The following SZRD1 variants were observed in gnomAD, a reference collection of about 807,000 sequenced individuals.
The protein encoded by SZRD1 is SUZ RNA-binding domain-containing.
SZRD1 carries 7 observed loss-of-function variants against 17.6 expected under a neutral mutation model. The observed-to-expected ratio is 0.40, with a 90% CI of 0.23 to 0.75. The LOEUF (loss-of-function observed/expected upper bound fraction) is 0.75. Ranked by LOEUF, SZRD1 falls within the 30% of genes least tolerant of loss-of-function variation. The pLI is 0.38. For missense variants in SZRD1, 178 were observed against 201.8 expected, an observed-to-expected ratio of 0.88 and a Z score of 0.71; for synonymous variants, 77 against 77.9, an observed-to-expected ratio of 0.99 and a Z score of 0.06.
intron 1 of SZRD1, among the ~76,000 whole-genome samples, chr1:16,373,775 G>T (rs909122757): frequency 5.9e-5 from 9 of 151,508 alleles, no homozygotes; most frequent in Admixed American, 5.3e-4. Flanking sequence ...GACTATTTTT[G>T]ATTTTTTTGT....
chr1:16,367,268 A>T lies in SZRD1; in HGVS notation c.11A>T (p.Glu4Val). The change falls in exon 1 of 4, where the codon GAG becomes GTG. Residue 4 changes from glutamate to valine, a missense_variant. Transcript: ENST00000401088. ...AAAGCGGCGAGTAAGATGGAAGATG[A>T]GGAGGTCGCTGAGAGCTGGGAAGAG... MED[E>V]EVAESWEEAA... 4 of 1,548,616 alleles carry T rather than the reference A, an allele frequency of 2.6e-6. No homozygotes were observed. The highest frequency in any genetic ancestry group is 3.5e-6 in the Non-Finnish European group (4 of 1,146,492).
chr1:16,380,115 C>T (rs555519703), intron 1 of SZRD1, among the ~76,000 whole-genome samples: 1 of 152,204 alleles, frequency 6.6e-6, no homozygotes, highest in African/African-American at 2.4e-5. Context: ...ATATACCACT[C>T]AGTAAAGAAA....
rs59746262 is a variant in SZRD1 at position 16,376,805 on chromosome 1, C to CAAA, written c.51+9514_51+9516dup. ...TGGGCGACACAGCGAGACTCTGTCT[C>CAAA]AAAAAAAAAAAAAAAAAAACGTTGC... On this transcript the variant is annotated intron_variant, in intron 1 of 3. Coordinates refer to ENST00000401088, the MANE Select transcript of SZRD1 (RefSeq NM_001114600.3). Among the ~76,000 whole-genome samples the CAAA allele has an allele frequency of 3.2e-3, 245 of 75,442 alleles. 7 individuals carry two copies. The highest frequency in any genetic ancestry group is 9.2e-3 in the East Asian group (27 of 2,930). 49.5% of individuals were successfully genotyped at this position (75,442 alleles called of 152,430 possible). A position where few individuals can be genotyped will look rare whatever the true frequency, so the allele number is the denominator to read the frequency against.
intron 1 of SZRD1, among the ~76,000 whole-genome samples, chr1:16,389,686 C>G (rs1477029502): frequency 6.6e-6 from 1 of 152,208 alleles, no homozygotes; most frequent in Non-Finnish European, 1.5e-5. Context: ...CCCTCGTGAT[C>G]CGCCCGCCTC....
chr1:16,373,594 A>T lies in SZRD1; in HGVS notation c.51+6286A>T, dbSNP rs76087056. ...AACTCCGTCTCAAAAAAAAAAAAAA[A>T]ACAAAACACGTTTTTTTTTTTTGAG... On this transcript the variant is annotated intron_variant, in intron 1 of 3. Transcript: ENST00000401088. 1.3e-5 allele frequency among the ~76,000 whole-genome samples: 2 copies of T among 151,716 alleles called. 1 individual carries two copies. Among genetic ancestry groups the T allele is most frequent in the South Asian group, 4.1e-4 (2 of 4,826 alleles).
Position 16,391,272 on chromosome 1 carries a change from C to A in SZRD1, c.52-103C>A. The A allele has an allele frequency of 1.2e-6, 1 of 846,806 alleles. No homozygotes were observed. Among genetic ancestry groups the A allele is most frequent in the Non-Finnish European group, 1.9e-6 (1 of 526,092 alleles). 52.5% of individuals were successfully genotyped at this position (846,806 alleles called of 1,614,324 possible). On this transcript the variant is annotated intron_variant, in intron 1 of 3. Transcript: ENST00000401088. The surrounding 1 kb of genome is among the most constrained non-coding windows in gnomAD (Gnocchi z 4.3). ...GTTATGTTGAAGGACACAGTCATGT[C>A]CCTGGCTAGAGAAAGGACACTGCCC...
intron 1 of SZRD1, among the ~76,000 whole-genome samples, chr1:16,380,356 G>GT (rs200519410): frequency 0.027 from 4,096 of 152,094 alleles, 180 homozygotes; most frequent in African/African-American, 0.091. Context: ...CCAGGCTGGA[G>GT]TGCAGTGGCA....
At chr1:16,367,430 G>A in intron 1 of SZRD1, 122 bp downstream of exon 1, 1 of 905,398 alleles carries the variant, frequency 1.1e-6, no homozygotes, top group Non-Finnish European at 1.6e-6. Context: ...GGCTGGGGGT[G>A]GTGGAGAGGC....
chr1:16,385,723 G>A (rs530374303), intron 1 of SZRD1, among the ~76,000 whole-genome samples: 6 of 152,158 alleles, frequency 3.9e-5, no homozygotes, highest in East Asian at 1.9e-4. Flanking sequence ...GATCTTATCC[G>A]CATTGTACTC....
chr1:16,378,448 T>A (rs1256729208), intron 1 of SZRD1, among the ~76,000 whole-genome samples: 1 of 150,374 alleles, frequency 6.7e-6, no homozygotes, highest in African/African-American at 2.4e-5. Context: ...CCGTGACACC[T>A]GGCTAATTTT....
In SZRD1 at chr1:16,393,724, G is replaced by A. The variant is rs1376986313; in HGVS notation, c.356+242G>A. On this transcript the variant is annotated intron_variant, in intron 3 of 3. Coordinates refer to ENST00000401088, the MANE Select transcript of SZRD1 (RefSeq NM_001114600.3). The surrounding 1 kb of genome is among the most constrained non-coding windows in gnomAD (Gnocchi z 5.6). ...TGCTGGCATGCTCCCTCTGCGGTTG[G>A]TAGTCACCGGGGGCACTGTTGTGTA... Among the ~76,000 whole-genome samples the A allele has an allele frequency of 1.3e-5, 2 of 152,208 alleles. No individual in the cohort carries two copies. Among genetic ancestry groups the A allele is most frequent in the Non-Finnish European group, 2.9e-5 (2 of 68,030 alleles).
chr1:16,388,982 T>C (rs2085174084), intron 1 of SZRD1, among the ~76,000 whole-genome samples: 2 of 151,712 alleles, frequency 1.3e-5, no homozygotes, highest in South Asian at 4.2e-4. Flanking sequence ...ACCTGGTCAG[T>C]AGATCAAATG....
Position 16,395,152 on chromosome 1 carries a change from A to G in SZRD1, c.*12A>G, listed in dbSNP as rs768772110. ...AACAGCGCAGATAAATGCAGGCAAG[A>G]AAAGATGCCGCCGTTGCTGCCGTCA... On this transcript the variant is annotated 3_prime_UTR_variant, in exon 4 of 4. Transcript: ENST00000401088. 1.9e-6 allele frequency: 3 copies of G among 1,595,178 alleles called. No homozygotes were observed. The highest frequency in any genetic ancestry group is 2.2e-5 in the South Asian group (2 of 90,700).
intron 1 of SZRD1, chr1:16,387,308 G>A (rs1229229602): frequency 2.2e-6 from 1 of 456,448 alleles, no homozygotes. Context: ...AACCCTAGAG[G>A]AAGAAGGAAG....
intron 1 of SZRD1, 73 bp downstream of exon 1, chr1:16,367,381 C>T: frequency 2.1e-6 from 3 of 1,419,772 alleles, no homozygotes; most frequent in Non-Finnish European, 1.9e-6. Flanking sequence ...GGGAGCGGGT[C>T]TGGAGATAGT....
At chr1:16,379,853 C>T (rs1057297159) in intron 1 of SZRD1, among the ~76,000 whole-genome samples, 17 of 149,282 alleles carry the variant, frequency 1.1e-4, no homozygotes, top group Non-Finnish European at 1.2e-4. Flanking sequence ...CTTTGCCTCT[C>T]GGGTTCAAGC....
intron 1 of SZRD1, among the ~76,000 whole-genome samples, chr1:16,369,905 A>AG (rs2082883500): frequency 6.6e-6 from 1 of 151,896 alleles, no homozygotes; most frequent in African/African-American, 2.4e-5. Flanking sequence ...AAAACAAAAA[A>AG]AAAAAACTAC....
chr1:16,387,610 T>G, intron 1 of SZRD1: 1 of 456,708 alleles, frequency 2.2e-6, no homozygotes, highest in African/African-American at 2.0e-5. Flanking sequence ...CGAGTGGAGT[T>G]TGGCTGCTTG....
intron 1 of SZRD1, among the ~76,000 whole-genome samples, chr1:16,379,986 C>T (rs1355341926): frequency 6.6e-6 from 1 of 151,880 alleles, no homozygotes; most frequent in African/African-American, 2.4e-5. Context: ...GGTGATTGTT[C>T]TTTAATTCGT....
Sources: allele counts gnomAD v4.1 joint callset (sites outside exome capture counted in the v4.1 genomes callset), GRCh38; gene constraint gnomAD v4.1.1; non-coding constraint Gnocchi (gnomAD v3.1); transcripts MANE v1.5; gene names NCBI Gene and HGNC (gene_info 2026-07-23, HGNC 2026-07-21).